CNTNAP2: variants seen among roughly 807,000 people sequenced by gnomAD.
CNTNAP2 encodes the protein contactin-associated protein-like 2.
Under a neutral mutation model 155.2 loss-of-function variants are expected in CNTNAP2, and 98 were observed. That is an observed-to-expected ratio of 0.63 (90% confidence interval 0.54 to 0.75). CNTNAP2 has a LOEUF of 0.75. Ranked by LOEUF, CNTNAP2 falls within the 30% of genes least tolerant of loss-of-function variation. The probability of loss-of-function intolerance (pLI) is 0.00; values close to 1 mark genes in which losing one functional copy is unlikely to be tolerated. For synonymous variants in CNTNAP2, 651 were observed against 631.2 expected (o/e 1.03, Z -0.47); for missense variants, 1,727 against 1,688.1 (o/e 1.02, Z -0.40).
At chr7:148,238,688 G>A (rs896978928) in intron 20 of CNTNAP2, among the ~76,000 whole-genome samples, 3 of 152,122 alleles carry the variant, frequency 2.0e-5, no homozygotes, top group Non-Finnish European at 2.9e-5. Flanking sequence ...TGTTTTTACA[G>A]CACACAGTAT....
At chr7:147,242,488 C>T (rs531277977) in intron 8 of CNTNAP2, among the ~76,000 whole-genome samples, 1 of 152,144 alleles carries the variant, frequency 6.6e-6, no homozygotes, top group Non-Finnish European at 1.5e-5. Context: ...TCCTTGAAAT[C>T]TGTGGTAGTA....
intron 2 of CNTNAP2, among the ~76,000 whole-genome samples, chr7:146,778,378 T>C (rs1802426518): frequency 6.6e-6 from 1 of 152,208 alleles, no homozygotes; most frequent in Non-Finnish European, 1.5e-5. Context: ...CAGGGACCAG[T>C]ACATGGCAAA....
chr7:146,471,004 C>A lies in CNTNAP2; in HGVS notation c.98-303267C>A, dbSNP rs541077712. ...GCTTTCAGAACCATGGACCCAATTA[C>A]CAATTTTCTGTTTGTAACGATACTT... On this transcript the variant is annotated intron_variant, in intron 1 of 23. Coordinates refer to ENST00000361727, the MANE Select transcript of CNTNAP2 (RefSeq NM_014141.6). Among the ~76,000 whole-genome samples, 7 of 152,202 alleles carry A rather than the reference C, an allele frequency of 4.6e-5. No individual in the cohort carries two copies. In the East Asian group the frequency reaches 1.4e-3, roughly 29 times the overall value.
intron 1 of CNTNAP2, among the ~76,000 whole-genome samples, chr7:146,474,382 G>T (rs1796844240): frequency 6.7e-6 from 1 of 149,358 alleles, no homozygotes; most frequent in African/African-American, 2.5e-5. Flanking sequence ...GAATTTTCCA[G>T]AATCCCTTCT....
intron 1 of CNTNAP2, among the ~76,000 whole-genome samples, chr7:146,352,857 C>G (rs538732298): frequency 2.0e-5 from 3 of 149,064 alleles, no homozygotes; most frequent in Non-Finnish European, 4.4e-5. Context: ...CGGGTTCACG[C>G]CATTCTCCTG....
intron 2 of CNTNAP2, among the ~76,000 whole-genome samples, chr7:146,775,568 G>A (rs1437880653): frequency 6.6e-6 from 1 of 151,060 alleles, no homozygotes; most frequent in African/African-American, 2.4e-5. Context: ...AGAAGGGAGG[G>A]AAGGAGAAAG....
intron 1 of CNTNAP2, among the ~76,000 whole-genome samples, chr7:146,618,106 A>G (rs1563158677): frequency 6.6e-6 from 1 of 152,154 alleles, no homozygotes; most frequent in African/African-American, 2.4e-5. Context: ...TCATTCCTTG[A>G]ATCTTCAAAT....
chr7:148,354,064 A>C (rs1049302246), intron 21 of CNTNAP2, among the ~76,000 whole-genome samples: 1 of 152,174 alleles, frequency 6.6e-6, no homozygotes, highest in Non-Finnish European at 1.5e-5. Flanking sequence ...AGAAATGCAC[A>C]CCTCAGAACA....
chr7:147,698,784 G>C (rs1796195663), intron 13 of CNTNAP2, among the ~76,000 whole-genome samples: 2 of 152,096 alleles, frequency 1.3e-5, no homozygotes, highest in Non-Finnish European at 2.9e-5. Context: ...GGCTGGTCGT[G>C]AGCTCCTGGG....
intron 21 of CNTNAP2, among the ~76,000 whole-genome samples, chr7:148,312,130 A>C (rs192516489): frequency 8.8e-4 from 134 of 152,326 alleles, no homozygotes; most frequent in African/African-American, 3.2e-3. Flanking sequence ...CAGTGGCAGC[A>C]GCTGCATGCA....
intron 15 of CNTNAP2, among the ~76,000 whole-genome samples, chr7:148,016,142 A>G (rs898871484): frequency 1.3e-5 from 2 of 152,214 alleles, no homozygotes; most frequent in Non-Finnish European, 2.9e-5. Context: ...CCAGTTTTGA[A>G]TGAAGACACC....
chr7:146,720,140 T>G (rs63207261), intron 1 of CNTNAP2, among the ~76,000 whole-genome samples: 1 of 151,092 alleles, frequency 6.6e-6, no homozygotes, highest in Non-Finnish European at 1.5e-5. Context: ...CTTTTTTTTT[T>G]CCAGTTATTT....
At chr7:147,712,055 C>T (rs1796408159) in intron 13 of CNTNAP2, among the ~76,000 whole-genome samples, 1 of 152,138 alleles carries the variant, frequency 6.6e-6, no homozygotes, top group South Asian at 2.1e-4. Flanking sequence ...CAAATGCTAT[C>T]CTTCAGGTAG....
chr7:146,532,881 G>A (rs1041272399), intron 1 of CNTNAP2, among the ~76,000 whole-genome samples: 9 of 151,662 alleles, frequency 5.9e-5, no homozygotes, highest in Non-Finnish European at 1.2e-4. Flanking sequence ...TCAGGAGTTC[G>A]AGACCAGCCT....
chr7:147,332,635 A>G (rs867444141), intron 9 of CNTNAP2, among the ~76,000 whole-genome samples: 1 of 152,168 alleles, frequency 6.6e-6, no homozygotes, highest in African/African-American at 2.4e-5. Flanking sequence ...AGACCAAGAC[A>G]GGATAATCAC....
chr7:147,378,101 C>T (rs957625157), intron 9 of CNTNAP2: 1 of 456,576 alleles, frequency 2.2e-6, no homozygotes, highest in East Asian at 7.0e-5. Context: ...ACTTTTGCAC[C>T]AACCTAATAC....
chr7:146,671,808 T>A (rs546175994), intron 1 of CNTNAP2, among the ~76,000 whole-genome samples: 10 of 152,106 alleles, frequency 6.6e-5, no homozygotes, highest in Admixed American at 5.2e-4. Context: ...TTCTTTTTTT[T>A]ATTTTGTTTT....
At chr7:147,300,068 T>G in intron 8 of CNTNAP2, 73 bp from the exon 9 acceptor site, 13 of 1,462,662 alleles carry the variant, frequency 8.9e-6, no homozygotes, top group Non-Finnish European at 1.1e-5. Flanking sequence ...AAAATCGTGA[T>G]TTGTTGATTT....
chr7:147,599,772 C>G (rs551672385), intron 12 of CNTNAP2, among the ~76,000 whole-genome samples: 13 of 152,088 alleles, frequency 8.5e-5, no homozygotes, highest in Non-Finnish European at 1.6e-4. Context: ...ATGAGGATAC[C>G]AGTCATTGGA....
Sources: allele counts gnomAD v4.1 joint callset (sites outside exome capture counted in the v4.1 genomes callset), GRCh38; gene constraint gnomAD v4.1.1; transcripts MANE v1.5; gene names NCBI Gene and HGNC (gene_info 2026-07-23, HGNC 2026-07-21).